CCDC191: variants seen among roughly 807,000 people sequenced by gnomAD.
The protein encoded by CCDC191 is coiled-coil domain-containing protein 191.
A neutral mutation model predicts 114.0 loss-of-function variants in CCDC191; 99 were observed. The observed-to-expected ratio is 0.87, with a 90% confidence interval of 0.74 to 1.03. The LOEUF (loss-of-function observed/expected upper bound fraction) is 1.03. CCDC191 is among the 50% of genes least tolerant of loss of function. The pLI is 0.00. For missense variants in CCDC191, 973 were observed against 1,087.0 expected (o/e 0.90, Z 1.47); for synonymous variants, 351 against 376.0 (o/e 0.93, Z 0.77).
intron 7 of CCDC191, among the ~76,000 whole-genome samples, chr3:114,020,653 C>T (rs569877527): frequency 6.6e-6 from 1 of 151,986 alleles, no homozygotes; most frequent in African/African-American, 2.4e-5. Flanking sequence ...CCACAAAATA[C>T]AGCATGAAAA....
At chr3:114,047,834 G>A (rs905280961) in intron 2 of CCDC191, among the ~76,000 whole-genome samples, 3 of 152,076 alleles carry the variant, frequency 2.0e-5, no homozygotes, top group Admixed American at 6.6e-5. Flanking sequence ...AATTAGCCGG[G>A]TGTGGTGGCA....
chr3:114,034,803 TAGTG>T (rs1414039944), intron 6 of CCDC191, 118 bp downstream of exon 6: 2 of 788,094 alleles, frequency 2.5e-6, no homozygotes, highest in Non-Finnish European at 4.2e-6. Context: ...GATGGTGGAA[TAGTG>T]AGTGATTTCT....
chr3:114,018,592 G>T, intron 8 of CCDC191, 86 bp downstream of exon 8: 2 of 1,016,948 alleles, frequency 2.0e-6, no homozygotes, highest in South Asian at 1.8e-5. Flanking sequence ...ATTCTAGTTG[G>T]CATGTGTAAA....
At chr3:113,982,862 A>C (rs569911069) in intron 13 of CCDC191, among the ~76,000 whole-genome samples, 4 of 151,120 alleles carry the variant, frequency 2.6e-5, no homozygotes, top group Admixed American at 6.6e-5. Context: ...AAAAACAAAA[A>C]AAAAAAAACC....
intron 15 of CCDC191, chr3:113,978,555 A>G: frequency 6.7e-6 from 4 of 597,800 alleles, no homozygotes; most frequent in East Asian, 2.8e-5. Context: ...TTGAAGGGGT[A>G]AGTTTCTAAA....
intron 7 of CCDC191, among the ~76,000 whole-genome samples, chr3:114,022,618 G>A (rs1318786000): frequency 6.6e-6 from 1 of 152,154 alleles, no homozygotes; most frequent in Admixed American, 6.6e-5. Context: ...TCTACACCCA[G>A]GCCCCTAAGT....
intron 7 of CCDC191, among the ~76,000 whole-genome samples, chr3:114,028,275 A>ATTTTTTT (rs920211150): frequency 8.7e-5 from 11 of 126,868 alleles, no homozygotes; most frequent in Admixed American, 1.7e-4. Flanking sequence ...AATTCTAAAA[A>ATTTTTTT]TTTTTTTTTT....
chr3:113,968,278 A>G (rs1286949013), intron 16 of CCDC191, among the ~76,000 whole-genome samples: 1 of 152,122 alleles, frequency 6.6e-6, no homozygotes, highest in Non-Finnish European at 1.5e-5. Context: ...CCCTTTCTCC[A>G]TATCCTCACC....
At chr3:113,991,181 A>T (rs1206587043) in intron 13 of CCDC191, among the ~76,000 whole-genome samples, 1 of 149,430 alleles carries the variant, frequency 6.7e-6, no homozygotes, top group Non-Finnish European at 1.5e-5. Context: ...GGTTACAGTG[A>T]GCTGAGATCA....
intron 16 of CCDC191, among the ~76,000 whole-genome samples, chr3:113,967,995 T>C (rs748340696): frequency 1.1e-4 from 17 of 152,200 alleles, no homozygotes; most frequent in Non-Finnish European, 2.1e-4. Flanking sequence ...TAATATTCCA[T>C]TTTGTGTATA....
chr3:114,034,933 T>C lies in CCDC191; in HGVS notation c.810A>G (p.Ala270=), dbSNP rs775362911. The change falls in exon 6 of 17, where the codon GCA becomes GCG. Residue 270 remains alanine, a synonymous_variant. Transcript: ENST00000295878. ...TTATCACACTGGCTTACATTTTCCA[T>C]GCTGCTTTCACAGTGCGTCTCCTCT... ...IIERRRTVKA[A]WKIEKKRQEE... 4 of 1,613,708 alleles carry C rather than the reference T, an allele frequency of 2.5e-6. No homozygotes were observed. Among genetic ancestry groups the C allele is most frequent in the East Asian group, 4.5e-5 (2 of 44,882 alleles).
intron 2 of CCDC191, among the ~76,000 whole-genome samples, chr3:114,049,752 C>T (rs2076677068): frequency 6.6e-6 from 1 of 152,144 alleles, no homozygotes; most frequent in South Asian, 2.1e-4. Flanking sequence ...CTGGATGATA[C>T]TAAGGACTAT....
intron 8 of CCDC191, among the ~76,000 whole-genome samples, chr3:114,017,103 T>C (rs914293546): frequency 1.1e-5 from 1 of 91,940 alleles, no homozygotes; most frequent in Non-Finnish European, 2.3e-5. Context: ...AAGGATTCAC[T>C]TTTTTTTTTT....
At chr3:114,033,251 C>A (rs2076434539) in intron 6 of CCDC191, among the ~76,000 whole-genome samples, 1 of 152,010 alleles carries the variant, frequency 6.6e-6, no homozygotes, top group South Asian at 2.1e-4. Flanking sequence ...GTGTGTGCCA[C>A]CACGCCCATA....
chr3:113,971,575 T>C (rs1940826519), intron 16 of CCDC191, among the ~76,000 whole-genome samples: 4 of 152,216 alleles, frequency 2.6e-5, no homozygotes. Context: ...TTGAATTTGG[T>C]TTGCCGGTAT....
rs1195408113 is a variant in CCDC191, at chr3:114,005,679, T to C, written c.1697A>G (p.Gln566Arg). 6.2e-7 allele frequency: 1 copy of C among 1,614,156 alleles called. No homozygotes were observed. The highest frequency in any genetic ancestry group is 2.2e-5 in the East Asian group (1 of 44,878). ...HVFQQQLIEK[Q>R]KKKLQEQQKT... ...CTGCTGTTCCTGAAGTTTCTTCTTT[T>C]GCTTCTCAATCAGCTGTTGCTGGAA... Residue 566 changes from glutamine (Q) to arginine (R), a missense_variant, in exon 10 of 17, where the codon CAA (glutamine) becomes CGA (arginine). Transcript: ENST00000295878.
chr3:113,972,727 C>G (rs184303438), intron 16 of CCDC191, among the ~76,000 whole-genome samples: 25 of 152,036 alleles, frequency 1.6e-4, no homozygotes, highest in Non-Finnish European at 2.8e-4. Context: ...GCTTTATATA[C>G]TTGGGTGCTT....
Position 114,031,607 on chromosome 3 carries a change from G to T in CCDC191, c.972+19C>A. On this transcript the variant is annotated intron_variant, in intron 7 of 16. Transcript: ENST00000295878. Reference sequence around the variant, plus strand: ...TTTATACTACAGAATGCTGAGTAAAGAGACATTGCAATTCCCACCTGTTGA... The same window carrying T: ...TTTATACTACAGAATGCTGAGTAAATAGACATTGCAATTCCCACCTGTTGA... The T allele has an allele frequency of 6.3e-7, 1 of 1,587,792 alleles. No homozygotes were observed. Among genetic ancestry groups the T allele is most frequent in the South Asian group, 1.1e-5 (1 of 90,192 alleles).
At chr3:114,001,534 C>T in intron 13 of CCDC191, 61 bp downstream of exon 13, 2 of 1,587,170 alleles carry the variant, frequency 1.3e-6, no homozygotes, top group Non-Finnish European at 1.7e-6. Flanking sequence ...GTGGATAGGG[C>T]CACAGTATCA....
Sources: allele counts gnomAD v4.1 joint callset (sites outside exome capture counted in the v4.1 genomes callset), GRCh38; gene constraint gnomAD v4.1.1; transcripts MANE v1.5; gene names NCBI Gene and HGNC (gene_info 2026-07-23, HGNC 2026-07-21).